The following DNAJB4 variants were observed in gnomAD, a reference collection of about 807,000 sequenced individuals.
The protein encoded by DNAJB4 is dnaJ homolog subfamily B member 4.
A neutral mutation model predicts 26.6 loss-of-function variants in DNAJB4; 10 were observed. That is an observed-to-expected ratio of 0.38 (90% CI 0.23 to 0.64). DNAJB4 has a LOEUF of 0.64. Among genes scored for constraint, DNAJB4 ranks in the 30% least tolerant of loss-of-function variants. DNAJB4 has a pLI of 0.58. For missense variants in DNAJB4, 328 were observed against 408.2 expected (o/e 0.80, Z 1.69); for synonymous variants, 136 against 134.8 (o/e 1.01, Z -0.06).
upstream of DNAJB4, chr1:77,979,626 A>G (rs1461061430): frequency 6.6e-6 from 1 of 152,608 alleles, no homozygotes; most frequent in Non-Finnish European, 1.5e-5. Context: ...CAGGGTAGTA[A>G]AGTGTCCCTG....
chr1:78,009,057 C>G (rs1170497079), intron 1 of DNAJB4, among the ~76,000 whole-genome samples: 3 of 151,922 alleles, frequency 2.0e-5, no homozygotes, highest in Non-Finnish European at 4.4e-5. Flanking sequence ...ATTTATTAAT[C>G]TTTATACTAG....
At chr1:78,001,289 A>G (rs893976838), upstream of DNAJB4, among the ~76,000 whole-genome samples, 3 of 151,722 alleles carry the variant, frequency 2.0e-5, no homozygotes, top group Admixed American at 6.6e-5. Context: ...GCAGTGAGCT[A>G]TGATTGTGCC....
In DNAJB4 at chr1:78,016,052, T is replaced by C. The variant is rs772154667; in HGVS notation, c.819T>C (p.Asp273=). The part of the protein sequence containing the change: ...CGCSINVPTL[D]GRNIPMSVND... ...GCTCAATTAATGTACCAACACTGGA[T>C]GGAAGAAACATACCTATGTCAGTAA... The change falls in exon 3 of 3, where the codon GAT becomes GAC. Residue 273 remains aspartate, a synonymous_variant. Coordinates refer to ENST00000370763, the MANE Select transcript of DNAJB4 (RefSeq NM_007034.5). 3.1e-6 allele frequency: 5 copies of C among 1,614,082 alleles called. No individual in the cohort carries two copies. The highest frequency in any genetic ancestry group is 4.2e-6 in the Non-Finnish European group (5 of 1,180,016).
At chr1:78,006,390 C>A (rs1660330702) in intron 1 of DNAJB4, among the ~76,000 whole-genome samples, 1 of 152,078 alleles carries the variant, frequency 6.6e-6, no homozygotes, top group Non-Finnish European at 1.5e-5. Context: ...GTTTTTCTCC[C>A]AAAATACTGG....
chr1:77,995,935 G>T (rs1026328753), intron 1 of DNAJB4, among the ~76,000 whole-genome samples: 3 of 152,098 alleles, frequency 2.0e-5, no homozygotes, highest in Admixed American at 6.5e-5. Flanking sequence ...AACAGAGTGA[G>T]ATTCTGTCTC....
intron 1 of DNAJB4, among the ~76,000 whole-genome samples, chr1:78,009,579 T>A (rs1660415199): frequency 6.6e-6 from 1 of 152,234 alleles, no homozygotes; most frequent in South Asian, 2.1e-4. Flanking sequence ...TCCATTAGCG[T>A]TCAAAATGTA....
chr1:78,012,055 CTT>C (rs1660493564), intron 1 of DNAJB4, among the ~76,000 whole-genome samples: 2 of 147,798 alleles, frequency 1.4e-5, no homozygotes, highest in South Asian at 2.1e-4. Flanking sequence ...CTTTTAAAAA[CTT>C]ATATATTTAT....
At chr1:77,984,133 G>C (rs1659736480) in intron 1 of DNAJB4, among the ~76,000 whole-genome samples, 1 of 152,102 alleles carries the variant, frequency 6.6e-6, no homozygotes, top group African/African-American at 2.4e-5. Flanking sequence ...CCTTTAACTA[G>C]GGACTTTTCA....
rs981067256 is a variant in DNAJB4, at chr1:78,016,426, A to T, written c.*179A>T. 6.9e-6 allele frequency: 4 copies of T among 577,498 alleles called. No individual in the cohort carries two copies. The highest frequency in any genetic ancestry group is 1.2e-5 in the Non-Finnish European group (4 of 331,430). 35.8% of individuals were successfully genotyped at this position (577,498 alleles called of 1,614,324 possible). On this transcript the variant is annotated 3_prime_UTR_variant, in exon 3 of 3. Transcript: ENST00000370763. The stretch of plus-strand genomic sequence containing the variant: ...GCAAAAGGGATTTTTACAGTTAGAG[A>T]TAAAAGAGAAAACCATTCACTGTAT...
intron 2 of DNAJB4, 42 bp from the exon 3 acceptor site, chr1:78,015,972 G>GT: frequency 6.5e-7 from 1 of 1,546,644 alleles, no homozygotes; most frequent in Non-Finnish European, 8.8e-7. Flanking sequence ...AGATTTTTGA[G>GT]TTTTGAAGTG....
At chr1:77,980,236 T>C (rs1247745559) in exon 1 of DNAJB4, 1 of 152,152 alleles carries the variant, frequency 6.6e-6, no homozygotes, top group East Asian at 1.9e-4. Flanking sequence ...AAATAGATTT[T>C]GTAGCTTCTT....
At chr1:77,983,462 G>T (rs1411365799) in intron 1 of DNAJB4, among the ~76,000 whole-genome samples, 1 of 152,222 alleles carries the variant, frequency 6.6e-6, no homozygotes, top group African/African-American at 2.4e-5. Context: ...CCCTTCCCAC[G>T]AGGCCATATT....
intron 1 of DNAJB4, among the ~76,000 whole-genome samples, chr1:77,993,186 G>GT (rs1237938457): frequency 6.6e-6 from 1 of 152,178 alleles, no homozygotes; most frequent in Non-Finnish European, 1.5e-5. Context: ...GGGCCAGACG[G>GT]TAACTATTTT....
intron 1 of DNAJB4, among the ~76,000 whole-genome samples, chr1:77,998,931 A>G (rs1425797373): frequency 1.3e-5 from 2 of 152,132 alleles, no homozygotes; most frequent in Non-Finnish European, 2.9e-5. Flanking sequence ...TTTTCCCCTA[A>G]AGACAAAGTT....
intron 1 of DNAJB4, among the ~76,000 whole-genome samples, chr1:77,989,389 C>T (rs1251197195): frequency 6.6e-6 from 1 of 152,028 alleles, no homozygotes; most frequent in African/African-American, 2.4e-5. Flanking sequence ...TTATCCTTTC[C>T]TTATTACAAG....
intron 1 of DNAJB4, among the ~76,000 whole-genome samples, chr1:77,990,333 A>G (rs1659901482): frequency 6.6e-6 from 1 of 152,218 alleles, no homozygotes. Context: ...ACTATAAAAT[A>G]TCACTTGCAT....
chr1:78,008,257 A>T (rs71641317), intron 1 of DNAJB4, among the ~76,000 whole-genome samples: 1 of 151,454 alleles, frequency 6.6e-6, no homozygotes, highest in Non-Finnish European at 1.5e-5. Flanking sequence ...TATAAAAGGG[A>T]AACAAAAACA....
intron 1 of DNAJB4, among the ~76,000 whole-genome samples, chr1:77,997,683 C>T (rs1660095331): frequency 6.6e-6 from 1 of 152,166 alleles, no homozygotes; most frequent in African/African-American, 2.4e-5. Flanking sequence ...CTCCCTTTCT[C>T]TGTCAAAATC....
chr1:78,006,134 T>G (rs199910595), intron 1 of DNAJB4, among the ~76,000 whole-genome samples: 33 of 152,178 alleles, frequency 2.2e-4, no homozygotes, highest in Admixed American at 2.2e-3. Context: ...CCCTTTCCTC[T>G]CCCTGCCATA....
Sources: allele counts gnomAD v4.1 joint callset (sites outside exome capture counted in the v4.1 genomes callset), GRCh38; gene constraint gnomAD v4.1.1; transcripts MANE v1.5; gene names NCBI Gene and HGNC (gene_info 2026-07-23, HGNC 2026-07-21).